PRKCA: variants seen among roughly 807,000 people sequenced by gnomAD.
The protein encoded by PRKCA is protein kinase C alpha.
A neutral mutation model predicts 87.0 loss-of-function variants in PRKCA; 27 were observed. The ratio of observed to expected loss-of-function variants is 0.31; its 90% CI spans 0.23 to 0.43. The LOEUF is 0.43. Ranked by LOEUF, PRKCA falls within the 20% of genes least tolerant of loss-of-function variation. The pLI is 1.00. For missense variants in PRKCA, 518 were observed against 852.3 expected (o/e 0.61, Z 4.88); for synonymous variants, 329 against 311.1 (o/e 1.06, Z -0.61).
At chr17:66,567,298 G>C (rs1968931779) in intron 3 of PRKCA, among the ~76,000 whole-genome samples, 1 of 152,210 alleles carries the variant, frequency 6.6e-6, no homozygotes, top group African/African-American at 2.4e-5. Context: ...GCTGAGTGTT[G>C]TGCAGTGGCA....
intron 2 of PRKCA, among the ~76,000 whole-genome samples, chr17:66,413,405 G>A (rs1021981620): frequency 6.6e-6 from 1 of 152,132 alleles, no homozygotes; most frequent in African/African-American, 2.4e-5. Context: ...CCAGGAGCTT[G>A]TCTGTTATGT....
At chr17:66,708,494 T>C (rs533942436) in intron 8 of PRKCA, among the ~76,000 whole-genome samples, 2 of 152,214 alleles carry the variant, frequency 1.3e-5, no homozygotes, top group Non-Finnish European at 2.9e-5. Flanking sequence ...CTTAGAGTTC[T>C]TTCTAGGTCC....
intron 16 of PRKCA, among the ~76,000 whole-genome samples, chr17:66,789,428 C>T (rs1975478966): frequency 6.6e-6 from 1 of 152,246 alleles, no homozygotes; most frequent in Non-Finnish European, 1.5e-5. Context: ...TAGCCAGCAA[C>T]TAGGCAGGGC....
At chr17:66,443,206 C>T (rs2143885385) in intron 2 of PRKCA, among the ~76,000 whole-genome samples, 1 of 152,302 alleles carries the variant, frequency 6.6e-6, no homozygotes, top group African/African-American at 2.4e-5. Flanking sequence ...GATGCTGGGA[C>T]TGCTCTTTCT....
chr17:66,533,771 G>A (rs1967656185), intron 3 of PRKCA, among the ~76,000 whole-genome samples: 1 of 152,094 alleles, frequency 6.6e-6, no homozygotes, highest in African/African-American at 2.4e-5. Flanking sequence ...TCGGGGGAGC[G>A]GCTTTTAGTT....
chr17:66,408,068 G>A (rs1035998373), intron 2 of PRKCA, among the ~76,000 whole-genome samples: 3 of 152,172 alleles, frequency 2.0e-5, no homozygotes, highest in Non-Finnish European at 4.4e-5. Context: ...ATAAAAATTG[G>A]CATTGACACT....
intron 8 of PRKCA, among the ~76,000 whole-genome samples, chr17:66,730,691 C>T (rs557838978): frequency 3.0e-4 from 45 of 152,244 alleles, no homozygotes; most frequent in Admixed American, 9.8e-4. Context: ...TTGATTTTGG[C>T]GGGTTTTGGC....
chr17:66,512,589 A>G (rs1304848150), intron 3 of PRKCA, among the ~76,000 whole-genome samples: 2 of 152,078 alleles, frequency 1.3e-5, no homozygotes, highest in Admixed American at 1.3e-4. Context: ...TTGGCACCCC[A>G]GGGCTGCTGC....
chr17:66,756,920 C>T (rs1204647392), intron 13 of PRKCA, among the ~76,000 whole-genome samples: 1 of 152,210 alleles, frequency 6.6e-6, no homozygotes, highest in Non-Finnish European at 1.5e-5. Context: ...GCCTCAGTCT[C>T]CCAGAGTGCT....
At chr17:66,340,220 C>T (rs962430322) in intron 2 of PRKCA, among the ~76,000 whole-genome samples, 9 of 152,146 alleles carry the variant, frequency 5.9e-5, no homozygotes, top group African/African-American at 2.2e-4. Flanking sequence ...CAGCCCATTG[C>T]TTACTCCAAA....
At chr17:66,614,311 G>T (rs1970460069) in intron 3 of PRKCA, among the ~76,000 whole-genome samples, 1 of 152,150 alleles carries the variant, frequency 6.6e-6, no homozygotes, top group South Asian at 2.1e-4. Flanking sequence ...AGATTTGGGG[G>T]CGTATGTTTG....
At chr17:66,323,237 C>T (rs1037947816) in intron 2 of PRKCA, among the ~76,000 whole-genome samples, 1 of 152,166 alleles carries the variant, frequency 6.6e-6, no homozygotes, top group Non-Finnish European at 1.5e-5. Context: ...TCCCAGTGCA[C>T]GTTACCACAT....
chr17:66,795,163 T>G (rs1975637921), intron 16 of PRKCA, among the ~76,000 whole-genome samples: 2 of 152,218 alleles, frequency 1.3e-5, no homozygotes, highest in Non-Finnish European at 2.9e-5. Context: ...TACTATGTTC[T>G]TTTAATAATT....
At chr17:66,589,139 A>G (rs1195136825) in intron 3 of PRKCA, among the ~76,000 whole-genome samples, 3 of 152,052 alleles carry the variant, frequency 2.0e-5, no homozygotes, top group South Asian at 4.2e-4. Context: ...CCCATAAAAG[A>G]CTTAGACTAG....
intron 3 of PRKCA, among the ~76,000 whole-genome samples, chr17:66,497,990 C>T (rs1916554573): frequency 1.3e-5 from 2 of 152,112 alleles, no homozygotes; most frequent in South Asian, 4.1e-4. Context: ...CACAAAGGCT[C>T]ACAGGACATG....
In PRKCA at chr17:66,620,098, C is replaced by T. The variant is rs1281327944; in HGVS notation, c.289-21257C>T. 2.0e-5 allele frequency among the ~76,000 whole-genome samples: 3 copies of T among 152,302 alleles called. No homozygotes were observed. In the East Asian group the frequency reaches 5.8e-4, roughly 29 times the overall value. On this transcript the variant is annotated intron_variant, in intron 3 of 16. Coordinates refer to ENST00000413366, the MANE Select transcript of PRKCA (RefSeq NM_002737.3). ...GCTCCATACAGAATGGGTCATGCAG[C>T]TTTCAAAGAGCAGCCCTTCCTCAAG... is the stretch of plus-strand genomic sequence containing the variant.
intron 16 of PRKCA, chr17:66,796,352 T>C: frequency 4.8e-6 from 4 of 826,524 alleles, no homozygotes; most frequent in Non-Finnish European, 5.8e-6. Flanking sequence ...CGTGGGTTTA[T>C]AGCATTCTTT....
In PRKCA at chr17:66,708,000, C is replaced by A. The variant is rs139159605; in HGVS notation, c.918+18953C>A. ...CTCAGAGAATTCAAAATCACAGCTCCCTACATGGGGTCCAGGAACGTGTGG... is the reference window on the plus strand; with the variant it reads ...CTCAGAGAATTCAAAATCACAGCTCACTACATGGGGTCCAGGAACGTGTGG... On this transcript the variant is annotated intron_variant, in intron 8 of 16. Transcript: ENST00000413366. 7.2e-3 allele frequency among the ~76,000 whole-genome samples: 1,099 copies of A among 152,318 alleles called. 15 individuals carry two copies. The highest frequency in any genetic ancestry group is 0.023 in the African/African-American group (950 of 41,578).
intron 2 of PRKCA, among the ~76,000 whole-genome samples, chr17:66,312,174 G>C (rs994184491): frequency 2.0e-5 from 3 of 152,154 alleles, no homozygotes; most frequent in Non-Finnish European, 4.4e-5. Flanking sequence ...TAGAGACGGA[G>C]TTTCACCATA....
Sources: allele counts gnomAD v4.1 joint callset (sites outside exome capture counted in the v4.1 genomes callset), GRCh38; gene constraint gnomAD v4.1.1; transcripts MANE v1.5; gene names NCBI Gene and HGNC (gene_info 2026-07-23, HGNC 2026-07-21).